Variants in GCN1 observed in about 807,000 individuals in gnomAD.
The protein encoded by GCN1 is stalled ribosome sensor GCN1.
A neutral mutation model predicts 288.4 loss-of-function variants in GCN1; 90 were observed. That is an observed-to-expected ratio of 0.31 (90% CI 0.26 to 0.37). The LOEUF (loss-of-function observed/expected upper bound fraction) is 0.37, where lower values mean the gene tolerates loss of function less well. Ranked by LOEUF, GCN1 falls within the 10% of genes least tolerant of loss-of-function variation. The probability of loss-of-function intolerance (pLI) is 1.00; values close to 1 mark genes in which losing one functional copy is unlikely to be tolerated. For missense variants in GCN1, 2,586 were observed against 3,419.9 expected (o/e 0.76, Z 6.08); for synonymous variants, 1,386 against 1,420.2 (o/e 0.98, Z 0.54).
Position 120,142,444 on chromosome 12 carries a change from C to G in GCN1, c.5829+63G>C. On this transcript the variant is annotated intron_variant, in intron 44 of 57. Coordinates refer to ENST00000300648, the MANE Select transcript of GCN1 (RefSeq NM_006836.2). This position sits in a 1 kb window ranked among gnomAD's most constrained non-coding sequence, Gnocchi z 4.9. ...ACTTTCCCAGGCTCTGCAGACCCAGCCTTCTAGGCTCTGAAAGGAGGCACT... is the reference window on the plus strand; with the variant it reads ...ACTTTCCCAGGCTCTGCAGACCCAGGCTTCTAGGCTCTGAAAGGAGGCACT... The G allele has an allele frequency of 8.1e-7, 1 of 1,237,324 alleles. No homozygotes were observed. Among genetic ancestry groups the G allele is most frequent in the Non-Finnish European group, 1.2e-6 (1 of 840,662 alleles). 76.6% of individuals were successfully genotyped at this position (1,237,324 alleles called of 1,614,324 possible).
Position 120,153,987 on chromosome 12 carries a change from G to A in GCN1, c.3702-78C>T. On this transcript the variant is annotated intron_variant, in intron 31 of 57. Transcript: ENST00000300648. The surrounding 1 kb of genome is among the most constrained non-coding windows in gnomAD (Gnocchi z 4.4). ...CCAGTGGAACCTCTGCTGGTGCACG[G>A]CAAGGAGAGGGAGCTTGCCTGAGGC... The A allele has an allele frequency of 7.9e-7, 1 of 1,271,830 alleles. No individual in the cohort carries two copies. The highest frequency in any genetic ancestry group is 1.1e-6 in the Non-Finnish European group (1 of 903,760). The allele number at this position is 1,271,830 out of a possible 1,614,324, so 78.8% of individuals were successfully genotyped here. A position where few individuals can be genotyped will look rare whatever the true frequency, so the allele number is the denominator to read the frequency against.
At chr12:120,167,352 C>CAAAAAAAAAAAAAAAAAAAAAA (rs58505091) in intron 16 of GCN1, among the ~76,000 whole-genome samples, 1 of 73,016 alleles carries the variant, frequency 1.4e-5, no homozygotes. Flanking sequence ...AACTCCATCT[C>CAAAAAAAAAAAAAAAAAAAAAA]AAAAAAAAAA....
At chr12:120,148,986 A>AT (rs751197425) in intron 36 of GCN1, among the ~76,000 whole-genome samples, 6,207 of 139,320 alleles carry the variant, frequency 0.045, 299 homozygotes, top group African/African-American at 0.12. Context: ...CACTTGGCCT[A>AT]TTTTTTTTTT....
chr12:120,156,379 T>A lies in GCN1; in HGVS notation c.3312+82A>T. On this transcript the variant is annotated intron_variant, in intron 28 of 57. Coordinates refer to ENST00000300648, the MANE Select transcript of GCN1 (RefSeq NM_006836.2). The surrounding 1 kb of genome is among the most constrained non-coding windows in gnomAD (Gnocchi z 5.8). ...AGGCCTCCCACCAGAGTGAGGGACA[T>A]TCTCTCAAATGCCCATCATGCAATT... is the stretch of plus-strand genomic sequence containing the variant. The A allele has an allele frequency of 7.2e-7, 1 of 1,379,428 alleles. No homozygotes were observed. Among genetic ancestry groups the A allele is most frequent in the Non-Finnish European group, 1.0e-6 (1 of 984,738 alleles). 85.4% of individuals were successfully genotyped at this position (1,379,428 alleles called of 1,614,324 possible).
At chr12:120,129,249 T>G (rs1002454239) in intron 57 of GCN1, 27 bp downstream of exon 57, 34 of 1,513,112 alleles carry the variant, frequency 2.2e-5, no homozygotes, top group Middle Eastern at 4.0e-4. Flanking sequence ...TCACAGCACA[T>G]CCTGGTGAGG....
intron 16 of GCN1, 112 bp downstream of exon 16, chr12:120,168,096 T>TG: frequency 1.4e-6 from 1 of 737,852 alleles, no homozygotes; most frequent in Admixed American, 1.9e-5. Flanking sequence ...CAGATCACTC[T>TG]GGCCCAGGTT....
rs555079874 is a variant in GCN1 at position 120,130,749 on chromosome 12, G to T, written c.7568C>A (p.Pro2523His). Residue 2523 changes from proline (P) to histidine (H), a missense_variant, in exon 56 of 58, where the codon CCC becomes CAC. This residue lies in a region of GCN1 where 355 missense variants were observed against 431.1 expected (regional missense o/e 0.82). Coordinates refer to ENST00000300648, the MANE Select transcript of GCN1 (RefSeq NM_006836.2). Reference protein sequence around the residue: ...ILSSATADRIPIAVSGVRGMG... With the variant: ...ILSSATADRIHIAVSGVRGMG... ...GCCCCGGACCCCGCTCACCGCAATG[G>T]GGATCTGTGGAGAACAGACAGCGCT... 7 of 1,608,364 alleles carry T rather than the reference G, an allele frequency of 4.4e-6. No homozygotes were observed. The South Asian group carries it at 7.7e-5, about 18-fold the overall frequency.
chr12:120,146,940 T>C, intron 38 of GCN1, 112 bp downstream of exon 38: 1 of 581,368 alleles, frequency 1.7e-6, no homozygotes, highest in Non-Finnish European at 2.8e-6. Context: ...ATAAAAATAA[T>C]TAGGGACTAA....
At chr12:120,139,323 A>G (rs1232137567) in intron 45 of GCN1, among the ~76,000 whole-genome samples, 1 of 151,932 alleles carries the variant, frequency 6.6e-6, no homozygotes, top group Non-Finnish European at 1.5e-5. Context: ...AAAAATTTTA[A>G]AAAAATTAAA....
chr12:120,174,274 G>C, intron 12 of GCN1, 105 bp from the exon 13 acceptor site: 3 of 693,204 alleles, frequency 4.3e-6, no homozygotes, highest in Non-Finnish European at 8.0e-6. Context: ...CCTCTTCTGT[G>C]TCTCCAGCAG....
intron 11 of GCN1, 86 bp from the exon 12 acceptor site, chr12:120,175,298 C>T (rs779448332): frequency 4.6e-5 from 56 of 1,205,532 alleles, no homozygotes; most frequent in Non-Finnish European, 6.0e-5. Context: ...TGTGATGCCA[C>T]GATACGGTTT....
Position 120,192,726 on chromosome 12 carries a change from C to T in GCN1, c.18+1954G>A, listed in dbSNP as rs533430959. Among the ~76,000 whole-genome samples, 62 of 127,696 alleles carry T rather than the reference C, an allele frequency of 4.9e-4. No individual in the cohort carries two copies. In the South Asian group the frequency reaches 0.011, roughly 22 times the overall value. 83.8% of individuals were successfully genotyped at this position (127,696 alleles called of 152,430 possible). A position where few individuals can be genotyped will look rare whatever the true frequency, so the allele number is the denominator to read the frequency against. On this transcript the variant is annotated intron_variant, in intron 1 of 57. Transcript: ENST00000300648. ...TAGCCTGGGCGACAGAGCGAGACTC[C>T]GTCTCGAAAAAAAAAAAAAAAGAAT...
chr12:120,193,246 AGC>A (rs1255702374), intron 1 of GCN1, among the ~76,000 whole-genome samples: 6 of 152,248 alleles, frequency 3.9e-5, no homozygotes, highest in Non-Finnish European at 8.8e-5. Flanking sequence ...CCAATACGGT[AGC>A]CACTGGCTAC....
chr12:120,154,007 T>C, intron 31 of GCN1, 98 bp from the exon 32 acceptor site: 2 of 991,146 alleles, frequency 2.0e-6, no homozygotes, highest in African/African-American at 3.2e-5. Context: ...GGAGCTTGCC[T>C]GAGGCAAACA....
intron 1 of GCN1, among the ~76,000 whole-genome samples, chr12:120,193,154 A>C (rs1222617055): frequency 6.6e-6 from 1 of 152,234 alleles, no homozygotes; most frequent in African/African-American, 2.4e-5. Context: ...GGAATTCGAG[A>C]CCAGCCTGGC....
chr12:120,181,075 A>C (rs1475737823), intron 5 of GCN1, among the ~76,000 whole-genome samples: 4 of 152,202 alleles, frequency 2.6e-5, no homozygotes, highest in Non-Finnish European at 5.9e-5. Flanking sequence ...TTGCATGTAT[A>C]CAAAATGGCA....
intron 34 of GCN1, 22 bp from the exon 35 acceptor site, chr12:120,150,065 C>A: frequency 6.2e-7 from 1 of 1,612,640 alleles, no homozygotes; most frequent in Non-Finnish European, 8.5e-7. Context: ...GAAGGTGGGA[C>A]GGCTGGGAAG....
Position 120,147,110 on chromosome 12 carries a change from T to A in GCN1, c.4889A>T (p.Asp1630Val). 6.2e-7 allele frequency: 1 copy of A among 1,604,354 alleles called. No individual in the cohort carries two copies. The highest frequency in any genetic ancestry group is 8.5e-7 in the Non-Finnish European group (1 of 1,172,846). Residue 1630 changes from aspartate to valine, a missense_variant, in exon 38 of 58, where the codon GAC becomes GTC. Asp to Val is a radical substitution (Grantham distance 152). Around this residue, in one of 8 missense-constraint regions of GCN1, gnomAD observed 371 missense variants for 572.6 expected, o/e 0.65. Transcript: ENST00000300648. ...VQRAFQDRSTDTRKMAAQIIG... is the reference protein window; with the variant it reads ...VQRAFQDRSTVTRKMAAQIIG... ...AATCTGGGCTGCCATCTTCCGCGTG[T>A]CCGTGGAACGGTCCTGGAAGGCTCT...
intron 21 of GCN1, 124 bp downstream of exon 21, chr12:120,161,756 G>A (rs1324084249): frequency 1.2e-5 from 12 of 1,028,858 alleles, no homozygotes; most frequent in Admixed American, 3.9e-5. Context: ...GACACAACAG[G>A]CGCTTAGCCA....
Sources: gnomAD v4.1 joint callset for allele counts (sites outside exome capture counted in the v4.1 genomes callset) on GRCh38, gnomAD v4.1.1 for gene constraint, gnomAD v4.1.1 regional missense constraint, Gnocchi (gnomAD v3.1) non-coding constraint, MANE v1.5 for transcripts, NCBI Gene and HGNC (gene_info 2026-07-23, HGNC 2026-07-21) for gene names.